FERMT2: variants seen among roughly 807,000 people sequenced by gnomAD.
FERMT2 encodes fermitin family homolog 2.
In FERMT2, 15 loss-of-function variants were observed where a neutral mutation model predicts 82.7. That is an observed-to-expected ratio of 0.18 (90% CI 0.12 to 0.28). The LOEUF is 0.28. FERMT2 is among the 10% of genes least tolerant of loss of function. FERMT2 has a pLI of 1.00. For synonymous variants in FERMT2, 274 were observed against 271.5 expected (o/e 1.01, Z -0.09); for missense variants, 645 against 809.4 (o/e 0.80, Z 2.46).
chr14:52,946,943 G>A (rs1332538951), intron 2 of FERMT2, among the ~76,000 whole-genome samples: 1 of 152,114 alleles, frequency 6.6e-6, no homozygotes, highest in Non-Finnish European at 1.5e-5. Flanking sequence ...TGCCTGCTGG[G>A]ATTACAGATG....
chr14:52,862,101 G>A (rs1316499339), intron 12 of FERMT2: 1 of 152,108 alleles, frequency 6.6e-6, no homozygotes, highest in African/African-American at 2.4e-5. Flanking sequence ...TTTCACTCTT[G>A]TCACCCAGGC....
chr14:52,861,930 G>A (rs1884966634), intron 12 of FERMT2: 1 of 152,154 alleles, frequency 6.6e-6, no homozygotes, highest in African/African-American at 2.4e-5. Context: ...AACGCAACTG[G>A]ATACAGCTTA....
intron 3 of FERMT2, among the ~76,000 whole-genome samples, chr14:52,906,918 C>A: frequency 8.1e-6 from 1 of 124,136 alleles, no homozygotes; most frequent in African/African-American, 3.2e-5. Context: ...TTATGCAAAC[C>A]AGAAGACAAC....
chr14:52,950,592 GA>G lies in FERMT2; in HGVS notation c.-9-16del, dbSNP rs1566769101. 6.2e-7 allele frequency: 1 copy of G among 1,609,684 alleles called. No homozygotes were observed. The stretch of plus-strand genomic sequence containing the variant: ...ATGGCTCCTTCCTGCGAGCGCGGAG[GA>G]AATGGCTCTCGTAAGCGTCACTCCC... On this transcript the variant is annotated splice_polypyrimidine_tract_variant and intron_variant, in intron 1 of 14. Transcript: ENST00000341590.
At chr14:52,899,322 G>A (rs1281447779) in intron 3 of FERMT2, among the ~76,000 whole-genome samples, 6 of 151,844 alleles carry the variant, frequency 4.0e-5, no homozygotes, top group South Asian at 2.1e-4. Flanking sequence ...TTGCTCTGTC[G>A]CCCAGGCTGG....
At chr14:52,875,074 A>C (rs1212559885) in intron 8 of FERMT2, 149 bp downstream of exon 8, 1 of 729,994 alleles carries the variant, frequency 1.4e-6, no homozygotes, top group Non-Finnish European at 2.2e-6. Flanking sequence ...CACTTTGCTC[A>C]AAGTTCCTGA....
rs76500517 is a variant in FERMT2, at chr14:52,866,909, G to A, written c.1274-2056C>T. Among the ~76,000 whole-genome samples, 772 of 151,862 alleles carry A rather than the reference G, an allele frequency of 5.1e-3. 7 individuals carry two copies. The highest frequency in any genetic ancestry group is 0.051 in the East Asian group (262 of 5,154). On this transcript the variant is annotated intron_variant, in intron 10 of 14. Coordinates refer to ENST00000341590, the MANE Select transcript of FERMT2 (RefSeq NM_006832.3). ...AAGTGGGCTGAGTTCATTACCATCC[G>A]AGCAACCCTGCTCCACCACTGAGAT... is the stretch of plus-strand genomic sequence containing the variant.
intron 2 of FERMT2, among the ~76,000 whole-genome samples, chr14:52,919,691 G>A (rs141957946): frequency 1.3e-5 from 2 of 152,176 alleles, no homozygotes; most frequent in Non-Finnish European, 1.5e-5. Flanking sequence ...TAAAGACAAG[G>A]AGTTGGTGGG....
chr14:52,913,464 C>T (rs994110465), intron 3 of FERMT2, among the ~76,000 whole-genome samples: 9 of 152,118 alleles, frequency 5.9e-5, no homozygotes, highest in African/African-American at 1.9e-4. Context: ...GTCACGAGTT[C>T]CTGATTCAAA....
intron 10 of FERMT2, among the ~76,000 whole-genome samples, chr14:52,869,826 T>C (rs77625717): frequency 0.089 from 13,550 of 152,184 alleles, 745 homozygotes; most frequent in East Asian, 0.2. Context: ...TCCATGCTTG[T>C]TACTCCCCCT....
At chr14:52,891,103 G>C (rs1886914268) in intron 4 of FERMT2, among the ~76,000 whole-genome samples, 1 of 152,148 alleles carries the variant, frequency 6.6e-6, no homozygotes, top group Non-Finnish European at 1.5e-5. Flanking sequence ...ATCGTCTGTT[G>C]TTAAATATGT....
intron 2 of FERMT2, among the ~76,000 whole-genome samples, chr14:52,922,513 A>T (rs1419892433): frequency 6.6e-6 from 1 of 152,056 alleles, no homozygotes; most frequent in African/African-American, 2.4e-5. Context: ...TTATTGTAGA[A>T]GCAGGGCGCT....
chr14:52,921,554 G>A (rs1344826039), intron 2 of FERMT2, among the ~76,000 whole-genome samples: 1 of 152,130 alleles, frequency 6.6e-6, no homozygotes, highest in Admixed American at 6.5e-5. Flanking sequence ...GACAACCAAG[G>A]TTAGATGACT....
chr14:52,921,157 T>C (rs1440472270), intron 2 of FERMT2, among the ~76,000 whole-genome samples: 1 of 152,216 alleles, frequency 6.6e-6, no homozygotes, highest in Admixed American at 6.5e-5. Context: ...ATTGATTATA[T>C]GGCTGAAACA....
chr14:52,875,701 G>A (rs1022861247), intron 7 of FERMT2, among the ~76,000 whole-genome samples: 3 of 151,778 alleles, frequency 2.0e-5, no homozygotes, highest in Admixed American at 6.6e-5. Context: ...CTATAACAGG[G>A]CCTGTTATCA....
chr14:52,936,992 T>TAA (rs540989571), intron 2 of FERMT2, among the ~76,000 whole-genome samples: 1 of 147,504 alleles, frequency 6.8e-6, no homozygotes, highest in East Asian at 2.0e-4. Context: ...CCATCTCTAC[T>TAA]AAAAAAAAAA....
intron 10 of FERMT2, among the ~76,000 whole-genome samples, chr14:52,871,045 C>G (rs1355689288): frequency 3.3e-5 from 5 of 152,212 alleles, no homozygotes; most frequent in Non-Finnish European, 7.3e-5. Context: ...TAACTCAGAA[C>G]TGGCTTGCCA....
chr14:52,900,316 G>C (rs368662878), intron 3 of FERMT2, among the ~76,000 whole-genome samples: 15 of 151,992 alleles, frequency 9.9e-5, no homozygotes, highest in African/African-American at 3.6e-4. Flanking sequence ...TAATTAGCAT[G>C]TTATCAAACA....
intron 2 of FERMT2, chr14:52,928,146 T>C: frequency 4.3e-6 from 1 of 233,488 alleles, no homozygotes; most frequent in South Asian, 5.1e-5. Context: ...AAAGTACTAA[T>C]TCAGGAAAGA....
Sources: allele counts gnomAD v4.1 joint callset (sites outside exome capture counted in the v4.1 genomes callset), GRCh38; gene constraint gnomAD v4.1.1; transcripts MANE v1.5; gene names NCBI Gene and HGNC (gene_info 2026-07-23, HGNC 2026-07-21).